Variants in VNN1 observed in about 807,000 individuals in gnomAD.
VNN1 encodes the protein vanin 1.
A neutral mutation model predicts 41.9 loss-of-function variants in VNN1; 29 were observed. That is an observed-to-expected ratio of 0.69 (90% CI 0.52 to 0.94). The LOEUF (loss-of-function observed/expected upper bound fraction) is 0.94, where lower values mean the gene tolerates loss of function less well. Among genes scored for constraint, VNN1 ranks in the 40% least tolerant of loss-of-function variants. VNN1 has a pLI of 0.00. For missense variants in VNN1, 637 were observed against 621.1 expected (o/e 1.03, Z -0.27); for synonymous variants, 233 against 224.4 (o/e 1.04, Z -0.34).
At chr6:132,690,660 C>T (rs113771935) in intron 5 of VNN1, among the ~76,000 whole-genome samples, 10 of 152,304 alleles carry the variant, frequency 6.6e-5, no homozygotes, top group African/African-American at 2.2e-4. Context: ...GCTTATTTAT[C>T]TTCATATCAT....
chr6:132,711,618 T>C, intron 2 of VNN1, 91 bp downstream of exon 2: 1 of 1,417,142 alleles, frequency 7.1e-7, no homozygotes, highest in Non-Finnish European at 9.6e-7. Flanking sequence ...TAAGAATTGA[T>C]CATGGATCTA....
chr6:132,713,497 A>C (rs1469986397), intron 1 of VNN1, among the ~76,000 whole-genome samples: 2 of 152,200 alleles, frequency 1.3e-5, no homozygotes, highest in Non-Finnish European at 2.9e-5. Flanking sequence ...TGAAAATAGC[A>C]CCTAGTCCCT....
At chr6:132,691,877 A>T (rs980468547) in intron 5 of VNN1, among the ~76,000 whole-genome samples, 1 of 151,748 alleles carries the variant, frequency 6.6e-6, no homozygotes, top group Non-Finnish European at 1.5e-5. Context: ...GCATGGTGGC[A>T]CTCGCCTGTA....
At chr6:132,698,464 T>A (rs1249599142) in intron 2 of VNN1, among the ~76,000 whole-genome samples, 1 of 152,210 alleles carries the variant, frequency 6.6e-6, no homozygotes, top group Non-Finnish European at 1.5e-5. Context: ...GACATAGAAA[T>A]GTCAGATGTG....
At chr6:132,695,747 C>A (rs1374662360) in intron 2 of VNN1, among the ~76,000 whole-genome samples, 1 of 152,102 alleles carries the variant, frequency 6.6e-6, no homozygotes, top group Non-Finnish European at 1.5e-5. Context: ...AGTCGCCATA[C>A]ATGCCCAGGG....
chr6:132,688,702 T>C (rs1778238894), intron 5 of VNN1, among the ~76,000 whole-genome samples: 2 of 152,212 alleles, frequency 1.3e-5, no homozygotes, highest in Non-Finnish European at 2.9e-5. Flanking sequence ...GAATGTCACA[T>C]ATATAAGGCT....
At chr6:132,698,095 TC>T (rs769547675) in intron 2 of VNN1, among the ~76,000 whole-genome samples, 33 of 152,356 alleles carry the variant, frequency 2.2e-4, no homozygotes, top group Non-Finnish European at 4.3e-4. Flanking sequence ...AGACCACATG[TC>T]CTAATTTAGG....
At chr6:132,683,440 A>G (rs2114327790) in intron 6 of VNN1, 118 bp from the exon 7 acceptor site, 2 of 1,100,560 alleles carry the variant, frequency 1.8e-6, no homozygotes, top group Middle Eastern at 2.2e-4. Context: ...ATTCCATTCT[A>G]TCAGAAAAAT....
At chr6:132,693,848 C>T (rs780239745) in intron 3 of VNN1, 142 bp downstream of exon 3, 9 of 993,742 alleles carry the variant, frequency 9.1e-6, no homozygotes, top group Non-Finnish European at 1.3e-5. Flanking sequence ...TAGGAGCTTT[C>T]CACGCTTTAT....
At chr6:132,710,048 T>G (rs985659595) in intron 2 of VNN1, among the ~76,000 whole-genome samples, 13 of 151,898 alleles carry the variant, frequency 8.6e-5, no homozygotes, top group Admixed American at 3.3e-4. Context: ...TTTGTGGGTT[T>G]GTTTGTTTGT....
chr6:132,709,620 C>T (rs148984574), intron 2 of VNN1, among the ~76,000 whole-genome samples: 1,986 of 151,094 alleles, frequency 0.013, 38 homozygotes, highest in African/African-American at 0.045. Flanking sequence ...GCTGAGATCA[C>T]GCCACTGCAC....
rs1259083953 is a variant in VNN1, at chr6:132,680,896, T to G, written c.*2244A>C. On this transcript the variant is annotated 3_prime_UTR_variant, in exon 7 of 7. Coordinates refer to ENST00000367928, the MANE Select transcript of VNN1 (RefSeq NM_004666.3). ...TTTAATTATTCAATGTATAGAAAGTTTTTTAGTGTAGTGCTTTTCAGACGT... is the reference window on the plus strand; with the variant it reads ...TTTAATTATTCAATGTATAGAAAGTGTTTTAGTGTAGTGCTTTTCAGACGT... Among the ~76,000 whole-genome samples, 1 of 152,154 alleles carries G rather than the reference T, an allele frequency of 6.6e-6. No individual in the cohort carries two copies. The highest frequency in any genetic ancestry group is 1.9e-4 in the East Asian group (1 of 5,200).
intron 2 of VNN1, among the ~76,000 whole-genome samples, chr6:132,697,782 T>C (rs1778393960): frequency 6.6e-6 from 1 of 152,146 alleles, no homozygotes; most frequent in Non-Finnish European, 1.5e-5. Flanking sequence ...AAATTATTAT[T>C]TCAATGTGTT....
intron 2 of VNN1, among the ~76,000 whole-genome samples, chr6:132,704,951 G>A (rs1159999084): frequency 2.0e-5 from 3 of 151,768 alleles, no homozygotes; most frequent in African/African-American, 7.3e-5. Context: ...TAAATTCCTA[G>A]ACACATACAG....
intron 2 of VNN1, among the ~76,000 whole-genome samples, chr6:132,703,999 C>T (rs1778484427): frequency 1.3e-5 from 2 of 151,930 alleles, no homozygotes; most frequent in Non-Finnish European, 2.9e-5. Flanking sequence ...TCAATTCTGT[C>T]AGAGGATATA....
chr6:132,711,676 T>G, intron 2 of VNN1, 33 bp downstream of exon 2: 10 of 1,602,362 alleles, frequency 6.2e-6, no homozygotes, highest in Non-Finnish European at 8.5e-6. Context: ...AGTTGATGTT[T>G]ACTAGTGAAT....
chr6:132,709,461 A>T, intron 2 of VNN1, among the ~76,000 whole-genome samples: 1 of 152,146 alleles, frequency 6.6e-6, no homozygotes, highest in South Asian at 2.1e-4. Flanking sequence ...ACTTGAGGCC[A>T]GGAGTTCAAG....
rs771472960 is a variant in VNN1 at position 132,711,580 on chromosome 6, T to C, written c.341+129A>G. The C allele has an allele frequency of 5.7e-5, 61 of 1,075,686 alleles. 1 individual carries two copies. Among genetic ancestry groups the C allele is most frequent in the Non-Finnish European group, 7.7e-5 (60 of 774,990 alleles). 66.6% of individuals were successfully genotyped at this position (1,075,686 alleles called of 1,614,324 possible). On this transcript the variant is annotated intron_variant, in intron 2 of 6. Transcript: ENST00000367928. ...GCTCTCCCAGTAAATATACCCATAG[T>C]AGATGAAAAATAAGCTATACTGAAA...
At chr6:132,702,237 G>C (rs761149320) in intron 2 of VNN1, among the ~76,000 whole-genome samples, 1 of 152,208 alleles carries the variant, frequency 6.6e-6, no homozygotes, top group Non-Finnish European at 1.5e-5. Context: ...TGCAGCATTA[G>C]ATTCTCATAG....
Sources: allele counts gnomAD v4.1 joint callset (sites outside exome capture counted in the v4.1 genomes callset), GRCh38; gene constraint gnomAD v4.1.1; transcripts MANE v1.5; gene names NCBI Gene and HGNC (gene_info 2026-07-23, HGNC 2026-07-21).